Variants in ANKHD1 observed in about 807,000 individuals in gnomAD.
The protein encoded by ANKHD1 is ankyrin repeat and KH domain-containing protein 1.
In ANKHD1, 31 loss-of-function variants were observed where a neutral mutation model predicts 230.5. That is an observed-to-expected ratio of 0.13 (90% confidence interval 0.10 to 0.18). The LOEUF is 0.18. Ranked by LOEUF, ANKHD1 falls within the 10% of genes least tolerant of loss-of-function variation. The pLI, the probability that ANKHD1 is intolerant of heterozygous loss-of-function variation, is 1.00. For synonymous variants in ANKHD1, 1,074 were observed against 1,117.6 expected, an observed-to-expected ratio of 0.96 and a Z score of 0.78; for missense variants, 2,256 against 3,071.3, an observed-to-expected ratio of 0.73 and a Z score of 6.27.
At chr5:140,458,896 T>A in intron 8 of ANKHD1, 34 bp downstream of exon 8, 1 of 1,549,564 alleles carries the variant, frequency 6.5e-7, no homozygotes, top group Non-Finnish European at 8.7e-7. Flanking sequence ...GAAAAATCAG[T>A]TTTCTTTGGA....
At chr5:140,504,468 C>T (rs1295883982) in intron 15 of ANKHD1, among the ~76,000 whole-genome samples, 2 of 152,066 alleles carry the variant, frequency 1.3e-5, no homozygotes, top group African/African-American at 4.8e-5. Flanking sequence ...TCCCTGTTGG[C>T]AATGCAAAAA....
chr5:140,457,754 A>C (rs1775322301), intron 7 of ANKHD1, among the ~76,000 whole-genome samples: 1 of 151,994 alleles, frequency 6.6e-6, no homozygotes, highest in East Asian at 1.9e-4. Flanking sequence ...ACCCAATGTA[A>C]ATGAGGAGTT....
intron 11 of ANKHD1, chr5:140,484,891 G>A: frequency 2.0e-6 from 1 of 509,594 alleles, no homozygotes; most frequent in Non-Finnish European, 2.9e-6. Context: ...TGACTGAAAG[G>A]GAGCACAAGA....
chr5:140,402,219 G>T lies in ANKHD1; in HGVS notation c.252G>T (p.Leu84=). The T allele has an allele frequency of 6.6e-7, 1 of 1,523,528 alleles. No homozygotes were observed. Among genetic ancestry groups the T allele is most frequent in the Non-Finnish European group, 8.8e-7 (1 of 1,140,172 alleles). 94.4% of individuals were successfully genotyped at this position (1,523,528 alleles called of 1,614,324 possible). A position where few individuals can be genotyped will look rare whatever the true frequency, so the allele number is the denominator to read the frequency against. Residue 84 remains leucine, a synonymous_variant, in exon 1 of 34, where the codon CTG becomes CTT. Coordinates refer to ENST00000360839, the MANE Select transcript of ANKHD1 (RefSeq NM_017747.3). ...ATTTCAAGTTGGCGGCTGCCGTGCT[G>T]AGGACCGGGGGTGGAGGTGGTGCCT... The part of the protein sequence containing the change: ...ALDFKLAAAV[L]RTGGGGGASG...
At chr5:140,466,156 C>A (rs1776068091) in intron 10 of ANKHD1, among the ~76,000 whole-genome samples, 1 of 151,992 alleles carries the variant, frequency 6.6e-6, no homozygotes, top group Non-Finnish European at 1.5e-5. Context: ...CTTTGGGATG[C>A]CGAGGTGGGT....
At chr5:140,438,435 A>T in intron 2 of ANKHD1, 26 bp from the exon 3 acceptor site, 1 of 1,566,160 alleles carries the variant, frequency 6.4e-7, no homozygotes, top group Non-Finnish European at 8.7e-7. Context: ...GTTCTGCACT[A>T]CCTGATTGAT....
At chr5:140,433,508 T>A (rs1773217223) in intron 1 of ANKHD1, among the ~76,000 whole-genome samples, 1 of 152,246 alleles carries the variant, frequency 6.6e-6, no homozygotes, top group Non-Finnish European at 1.5e-5. Context: ...TTGTGCAAAG[T>A]CTTCACGGGT....
At chr5:140,423,515 C>T (rs1172635173) in intron 1 of ANKHD1, among the ~76,000 whole-genome samples, 1 of 152,160 alleles carries the variant, frequency 6.6e-6, no homozygotes, top group East Asian at 1.9e-4. Flanking sequence ...TATTTTTGAG[C>T]AAAACCACAA....
In ANKHD1 at chr5:140,538,201, G is replaced by A. The variant is rs1754162521; in HGVS notation, c.7344G>A (p.Met2448Ile). The A allele has an allele frequency of 6.2e-7, 1 of 1,614,136 alleles. No individual in the cohort carries two copies. The highest frequency in any genetic ancestry group is 2.2e-5 in the East Asian group (1 of 44,884). The change falls in exon 32 of 34, where the codon ATG becomes ATA. Residue 2448 changes from methionine (M) to isoleucine (I), a missense_variant. Around this residue, in one of 13 missense-constraint regions of ANKHD1, gnomAD observed 778 missense variants for 966.5 expected, o/e 0.80. Coordinates refer to ENST00000360839, the MANE Select transcript of ANKHD1 (RefSeq NM_017747.3). ...HQPMERDDSGMVAPSNIFHQP... is the reference protein window; with the variant it reads ...HQPMERDDSGIVAPSNIFHQP... ...CAATGGAGAGAGATGATTCTGGAAT[G>A]GTAGCCCCCTCTAACATTTTTCATC... is the stretch of plus-strand genomic sequence containing the variant.
chr5:140,419,836 T>TTC (rs1458947940), intron 1 of ANKHD1, among the ~76,000 whole-genome samples: 1 of 119,092 alleles, frequency 8.4e-6, no homozygotes, highest in East Asian at 2.6e-4. Flanking sequence ...CTTTCTTTCT[T>TTC]TTTCTTTCTC....
At chr5:140,456,517 A>G (rs1251375844) in intron 7 of ANKHD1, among the ~76,000 whole-genome samples, 1 of 152,228 alleles carries the variant, frequency 6.6e-6, no homozygotes, top group African/African-American at 2.4e-5. Context: ...ACAGAGATAT[A>G]GACCAATGGA....
intron 15 of ANKHD1, among the ~76,000 whole-genome samples, chr5:140,502,531 G>A (rs947597387): frequency 1.3e-5 from 2 of 152,126 alleles, no homozygotes; most frequent in African/African-American, 4.8e-5. Flanking sequence ...TCATAATAAA[G>A]AGAGATGAGA....
chr5:140,528,351 C>A lies in ANKHD1; in HGVS notation c.5405C>A (p.Ser1802Tyr). The stretch of plus-strand genomic sequence containing the variant: ...TCTGGAGTAGGTACCACAGCAGCTT[C>A]CAGTAAAAATGCATTTCCTTTGGGT... ...FSSGVGTTAA[S>Y]SKNAFPLGAP... Residue 1802 changes from serine to tyrosine, a missense_variant, in exon 29 of 34, where the codon TCC (serine) becomes TAC (tyrosine). Transcript: ENST00000360839. 6.2e-7 allele frequency: 1 copy of A among 1,614,080 alleles called. No homozygotes were observed. The highest frequency in any genetic ancestry group is 8.5e-7 in the Non-Finnish European group (1 of 1,180,024).
chr5:140,472,156 G>GT, intron 10 of ANKHD1: 1 of 1,112,658 alleles, frequency 9.0e-7, no homozygotes. Flanking sequence ...ACCATCTGAA[G>GT]TATCGGTCAC....
At chr5:140,499,871 CTTT>C (rs543786978) in intron 15 of ANKHD1, among the ~76,000 whole-genome samples, 7 of 140,420 alleles carry the variant, frequency 5.0e-5, no homozygotes, top group African/African-American at 2.6e-5. Flanking sequence ...AATTTTCTTT[CTTT>C]TTTTTTTTTT....
chr5:140,537,985 A>C, intron 31 of ANKHD1, 101 bp from the exon 32 acceptor site: 1 of 1,473,014 alleles, frequency 6.8e-7, no homozygotes, highest in Non-Finnish European at 9.0e-7. Context: ...TTCAGAGGAA[A>C]GATTTCAGTA....
chr5:140,483,550 C>T (rs540601512), intron 11 of ANKHD1, among the ~76,000 whole-genome samples: 28 of 151,248 alleles, frequency 1.9e-4, no homozygotes, highest in Middle Eastern at 6.9e-3. Flanking sequence ...CTCCGCCTCC[C>T]GGGTTCAAGT....
chr5:140,479,505 G>A (rs773970871), intron 10 of ANKHD1, among the ~76,000 whole-genome samples: 1 of 151,808 alleles, frequency 6.6e-6, no homozygotes, highest in African/African-American at 2.4e-5. Context: ...TAAGTAGTAC[G>A]ATGTATACAA....
At chr5:140,516,695 T>C (rs1423337711) in intron 24 of ANKHD1, among the ~76,000 whole-genome samples, 20 of 151,990 alleles carry the variant, frequency 1.3e-4, no homozygotes, top group African/African-American at 4.1e-4. Flanking sequence ...AACTAAGCTT[T>C]GTAAGTGAAG....
Sources: allele counts gnomAD v4.1 joint callset (sites outside exome capture counted in the v4.1 genomes callset), GRCh38; gene constraint gnomAD v4.1.1; regional missense constraint gnomAD v4.1.1; transcripts MANE v1.5; gene names NCBI Gene and HGNC (gene_info 2026-07-23, HGNC 2026-07-21).